Variants in PTBP3 observed in about 807,000 individuals in gnomAD.
PTBP3 encodes polypyrimidine tract binding protein 3, also known as polypyrimidine tract-binding protein 3.
In PTBP3, 20 loss-of-function variants were observed where a neutral mutation model predicts 58.7. The ratio of observed to expected loss-of-function variants is 0.34; its 90% confidence interval spans 0.24 to 0.50. The LOEUF is 0.50. PTBP3 is among the 20% of genes least tolerant of loss of function. The probability of loss-of-function intolerance (pLI) is 0.98; values close to 1 mark genes in which losing one functional copy is unlikely to be tolerated. For missense variants in PTBP3, 509 were observed against 637.2 expected (o/e 0.80, Z 2.17); for synonymous variants, 185 against 219.8 (o/e 0.84, Z 1.40).
At chr9:112,250,478 T>A (rs1007897686) in intron 7 of PTBP3, among the ~76,000 whole-genome samples, 1 of 137,794 alleles carries the variant, frequency 7.3e-6, no homozygotes, top group African/African-American at 2.4e-5. Flanking sequence ...TTCTGAAGTT[T>A]AGGAAACAAA....
intron 1 of PTBP3, among the ~76,000 whole-genome samples, chr9:112,324,418 C>A (rs189685563): frequency 6.6e-6 from 1 of 152,090 alleles, no homozygotes; most frequent in African/African-American, 2.4e-5. Context: ...TTTGGGAGCC[C>A]GAGTCTGGTG....
At chr9:112,330,095 G>A (rs1051799444) in intron 1 of PTBP3, among the ~76,000 whole-genome samples, 3 of 151,894 alleles carry the variant, frequency 2.0e-5, no homozygotes, top group Admixed American at 6.6e-5. Flanking sequence ...CAAGCAACCC[G>A]CCCACCTCTC....
At chr9:112,234,623 A>G (rs1835371277) in intron 8 of PTBP3, among the ~76,000 whole-genome samples, 197 bp downstream of exon 8, 1 of 152,266 alleles carries the variant, frequency 6.6e-6, no homozygotes, top group African/African-American at 2.4e-5. Flanking sequence ...TACTGGAATT[A>G]AAAATAGGAC....
rs745644058 is a variant in PTBP3 at position 112,297,899 on chromosome 9, A to C, written c.-34T>G. 5.0e-6 allele frequency: 8 copies of C among 1,613,192 alleles called. No individual in the cohort carries two copies. The highest frequency in any genetic ancestry group is 2.2e-5 in the South Asian group (2 of 90,968). On this transcript the variant is annotated 5_prime_UTR_variant, in exon 2 of 14. Coordinates refer to ENST00000374257, the MANE Select transcript of PTBP3 (RefSeq NM_001163788.4). ...GTCCGTTAATGATGCCAGAAGAAAGAAGCTCATCAGATCCCCGCTGAAAAG... is the reference window on the plus strand; with the variant it reads ...GTCCGTTAATGATGCCAGAAGAAAGCAGCTCATCAGATCCCCGCTGAAAAG...
At chr9:112,316,474 GA>G (rs1202614493) in intron 1 of PTBP3, among the ~76,000 whole-genome samples, 4 of 152,158 alleles carry the variant, frequency 2.6e-5, no homozygotes, top group Non-Finnish European at 4.4e-5. Flanking sequence ...CCACACAAGT[GA>G]GCTCGAACAT....
chr9:112,357,866 G>C, the PTBP3 span, among the ~76,000 whole-genome samples: 4 of 152,146 alleles, frequency 2.6e-5, no homozygotes, highest in Non-Finnish European at 5.9e-5. Context: ...AATTTCCAGA[G>C]ACATTTTTGG....
chr9:112,333,420 A>T lies in PTBP3; in HGVS notation c.-52+50T>A, dbSNP rs754330687. 8.3e-6 allele frequency: 13 copies of T among 1,558,450 alleles called. No individual in the cohort carries two copies. The African/African-American group carries it at 1.1e-4, about 14-fold the overall frequency. On this transcript the variant is annotated intron_variant, in intron 1 of 13. Coordinates refer to ENST00000374257, the MANE Select transcript of PTBP3 (RefSeq NM_001163788.4). ...ACGCGTCCCGCGGAGAGCCGGGTGG[A>T]AGCGGCGCCAAGGCAACCCGGTGCG...
chr9:112,331,127 G>C (rs868805756), intron 1 of PTBP3, among the ~76,000 whole-genome samples: 1,062 of 100,070 alleles, frequency 0.011, 41 homozygotes, highest in East Asian at 0.1. Context: ...ACACACACAC[G>C]AGAGACAGTT....
the PTBP3 span, among the ~76,000 whole-genome samples, chr9:112,351,894 C>G: frequency 6.6e-6 from 1 of 151,588 alleles, no homozygotes; most frequent in Non-Finnish European, 1.5e-5. Flanking sequence ...CCAGGCTCAT[C>G]ATGTACATTT....
chr9:112,288,722 G>A (rs954304471), intron 2 of PTBP3, among the ~76,000 whole-genome samples: 7 of 152,130 alleles, frequency 4.6e-5, no homozygotes, highest in Non-Finnish European at 1.0e-4. Context: ...AAATGTATAT[G>A]GATTAGCATT....
In PTBP3 at chr9:112,234,891, G is replaced by T; in HGVS notation, c.809C>A (p.Pro270Gln). 6.2e-7 allele frequency: 1 copy of T among 1,611,146 alleles called. No homozygotes were observed. The highest frequency in any genetic ancestry group is 8.5e-7 in the Non-Finnish European group (1 of 1,178,018). Residue 270 changes from proline (P) to glutamine (Q), a missense_variant, in exon 8 of 14, where the codon CCG becomes CAG. Pro to Gln is a moderately conservative substitution (Grantham distance 76). This residue lies in a region of PTBP3 where 121 missense variants were observed against 114.8 expected (regional missense o/e 1.05). Transcript: ENST00000374257. Reference protein sequence around the residue: ...EPPMAAAFGAPGIISSPYAGA... With the variant: ...EPPMAAAFGAQGIISSPYAGA... ...TGCATATGGTGAAGAAATTATACCCGGTGCACCTAATGGGAAAGAGAAGCT... is the reference window on the plus strand; with the variant it reads ...TGCATATGGTGAAGAAATTATACCCTGTGCACCTAATGGGAAAGAGAAGCT...
chr9:112,288,177 G>T (rs939266030), intron 2 of PTBP3, among the ~76,000 whole-genome samples: 1 of 152,084 alleles, frequency 6.6e-6, no homozygotes, highest in Admixed American at 6.5e-5. Flanking sequence ...GTCTCCTCTG[G>T]TGTCAGGTGC....
chr9:112,256,856 G>GCTTTT (rs1554792835), intron 5 of PTBP3, among the ~76,000 whole-genome samples: 53 of 35,464 alleles, frequency 1.5e-3, no homozygotes, highest in African/African-American at 2.3e-3. Flanking sequence ...TTTTTTTAAA[G>GCTTTT]CTTTCATTTT....
intron 5 of PTBP3, among the ~76,000 whole-genome samples, chr9:112,258,270 C>T (rs1195526563): frequency 6.6e-6 from 1 of 152,188 alleles, no homozygotes; most frequent in Non-Finnish European, 1.5e-5. Context: ...CTTTCATGCA[C>T]AATGACACTT....
the PTBP3 span, among the ~76,000 whole-genome samples, chr9:112,370,967 G>A: frequency 6.6e-6 from 1 of 151,638 alleles, no homozygotes; most frequent in Admixed American, 6.6e-5. Context: ...TTAATATTCT[G>A]CCTCCTACAA....
At chr9:112,352,182 A>G in the PTBP3 span, among the ~76,000 whole-genome samples, 1 of 152,168 alleles carries the variant, frequency 6.6e-6, no homozygotes, top group Non-Finnish European at 1.5e-5. Context: ...TGGACTTCCC[A>G]AAGTGCTGAG....
intron 2 of PTBP3, among the ~76,000 whole-genome samples, chr9:112,282,284 T>C (rs753771554): frequency 3.9e-5 from 6 of 152,226 alleles, no homozygotes; most frequent in Non-Finnish European, 8.8e-5. Context: ...TTGAGTCTAC[T>C]TAGAGGTATT....
chr9:112,306,635 G>A (rs1829233884), intron 1 of PTBP3, among the ~76,000 whole-genome samples: 1 of 141,520 alleles, frequency 7.1e-6, no homozygotes, highest in Non-Finnish European at 1.5e-5. Flanking sequence ...TGTTTGTTTT[G>A]AGACAGAGTC....
At chr9:112,333,833 C>T (rs1362764318), upstream of PTBP3, among the ~76,000 whole-genome samples, 4 of 150,044 alleles carry the variant, frequency 2.7e-5, no homozygotes, top group African/African-American at 9.8e-5. Context: ...CGCTGTAAGA[C>T]CCCGCCTCTC....
Sources: allele counts gnomAD v4.1 joint callset (sites outside exome capture counted in the v4.1 genomes callset), GRCh38; gene constraint gnomAD v4.1.1; regional missense constraint gnomAD v4.1.1; transcripts MANE v1.5; gene names NCBI Gene and HGNC (gene_info 2026-07-23, HGNC 2026-07-21).